Variants in NCKAP5 observed in about 807,000 individuals in gnomAD.
NCKAP5 encodes the protein nck-associated protein 5.
In NCKAP5, 92 loss-of-function variants were observed where a neutral mutation model predicts 167.0. That is an observed-to-expected ratio of 0.55 (90% CI 0.47 to 0.66). NCKAP5 has a LOEUF of 0.66. Among genes scored for constraint, NCKAP5 ranks in the 30% least tolerant of loss-of-function variants. NCKAP5 has a pLI of 0.00. For missense variants in NCKAP5, 2,378 were observed against 2,315.0 expected, an observed-to-expected ratio of 1.03 and a Z score of -0.56; for synonymous variants, 891 against 877.4, an observed-to-expected ratio of 1.02 and a Z score of -0.27.
chr2:132,807,613 C>T (rs189356934), intron 11 of NCKAP5, among the ~76,000 whole-genome samples: 118 of 152,110 alleles, frequency 7.8e-4, no homozygotes, highest in African/African-American at 2.6e-3. Context: ...ATCTTGTATC[C>T]GGAAACTTTG....
chr2:133,068,597 G>A (rs1473528571), intron 6 of NCKAP5, among the ~76,000 whole-genome samples: 3 of 152,022 alleles, frequency 2.0e-5, no homozygotes, highest in East Asian at 3.9e-4. Context: ...AGAGGGACTC[G>A]ACCTCTGGGT....
At chr2:132,729,168 C>T (rs1053777495) in intron 17 of NCKAP5, among the ~76,000 whole-genome samples, 3 of 152,262 alleles carry the variant, frequency 2.0e-5, no homozygotes, top group Admixed American at 1.3e-4. Context: ...TTCAAGACCC[C>T]GAGGCAAACT....
intron 8 of NCKAP5, among the ~76,000 whole-genome samples, chr2:132,925,041 T>A (rs1373352850): frequency 6.6e-6 from 1 of 152,068 alleles, no homozygotes. Context: ...TTAGACACAG[T>A]AGTGATTTGC....
At chr2:133,587,352 G>A in the NCKAP5 span, among the ~76,000 whole-genome samples, 30 of 152,268 alleles carry the variant, frequency 2.0e-4, no homozygotes, top group African/African-American at 6.7e-4. Flanking sequence ...CAGAGGTTGT[G>A]TCAGGTAATA....
chr2:133,547,688 T>C (rs1686864751), intron 2 of NCKAP5, among the ~76,000 whole-genome samples: 1 of 150,632 alleles, frequency 6.6e-6, no homozygotes, highest in Admixed American at 6.6e-5. Flanking sequence ...GAAGGAAAAC[T>C]AACAAACAGA....
At chr2:133,081,841 C>T (rs2080819959) in intron 6 of NCKAP5, among the ~76,000 whole-genome samples, 2 of 152,094 alleles carry the variant, frequency 1.3e-5, no homozygotes, top group Non-Finnish European at 2.9e-5. Flanking sequence ...ATCAGATTAC[C>T]CAGACATCAA....
intron 5 of NCKAP5, among the ~76,000 whole-genome samples, chr2:133,203,695 T>G (rs549873578): frequency 6.6e-6 from 1 of 152,248 alleles, no homozygotes; most frequent in African/African-American, 2.4e-5. Context: ...TAAATCTAAG[T>G]GTCGGCAGTC....
intron 11 of NCKAP5, among the ~76,000 whole-genome samples, chr2:132,852,290 G>T (rs4954000): frequency 0.093 from 14,086 of 152,134 alleles, 853 homozygotes; most frequent in East Asian, 0.22. Context: ...ATGCTACAGG[G>T]TGCATTTTGT....
chr2:133,567,846 A>G (rs894430935), intron 1 of NCKAP5, among the ~76,000 whole-genome samples: 1 of 152,194 alleles, frequency 6.6e-6, no homozygotes, highest in African/African-American at 2.4e-5. Context: ...TAGCCTTCAT[A>G]GTTGTCTGCT....
intron 3 of NCKAP5, among the ~76,000 whole-genome samples, chr2:133,423,442 C>T (rs1003344675): frequency 6.6e-6 from 1 of 152,132 alleles, no homozygotes; most frequent in Non-Finnish European, 1.5e-5. Context: ...TCAGTCAAGC[C>T]TGTTCTTTTT....
At chr2:133,102,769 A>G (rs2081559013) in intron 6 of NCKAP5, among the ~76,000 whole-genome samples, 1 of 150,240 alleles carries the variant, frequency 6.7e-6, no homozygotes. Context: ...ACACACACAC[A>G]CACACACACA....
At chr2:133,329,170 G>A (rs558982335) in intron 3 of NCKAP5, among the ~76,000 whole-genome samples, 2 of 152,250 alleles carry the variant, frequency 1.3e-5, no homozygotes, top group African/African-American at 4.8e-5. Context: ...ATACTGAGAT[G>A]GAGGCTTCGC....
intron 3 of NCKAP5, among the ~76,000 whole-genome samples, chr2:133,440,249 T>C (rs1690748853): frequency 1.3e-5 from 2 of 152,204 alleles, no homozygotes; most frequent in Non-Finnish European, 2.9e-5. Context: ...CTCTGACCCT[T>C]GACATCTGTG....
chr2:133,072,900 A>G (rs1413866549), intron 6 of NCKAP5, among the ~76,000 whole-genome samples: 1 of 152,148 alleles, frequency 6.6e-6, no homozygotes, highest in Non-Finnish European at 1.5e-5. Flanking sequence ...TTAAAAACCC[A>G]CCATGGCTCC....
intron 6 of NCKAP5, among the ~76,000 whole-genome samples, chr2:133,038,828 T>C (rs2079118481): frequency 6.6e-6 from 1 of 152,180 alleles, no homozygotes; most frequent in Admixed American, 6.5e-5. Flanking sequence ...ATCAGGTCTT[T>C]TGCCATGTAG....
chr2:133,050,342 AC>A (rs1483979749), intron 6 of NCKAP5, among the ~76,000 whole-genome samples: 4 of 152,130 alleles, frequency 2.6e-5, no homozygotes, highest in Admixed American at 6.5e-5. Flanking sequence ...GGAGAAAACA[AC>A]CCTGTTGGAA....
At chr2:133,026,835 A>ACTT (rs1344878689) in intron 6 of NCKAP5, among the ~76,000 whole-genome samples, 1 of 152,136 alleles carries the variant, frequency 6.6e-6, no homozygotes, top group Non-Finnish European at 1.5e-5. Flanking sequence ...ATTGAGATAC[A>ACTT]CTTCTCGCTT....
chr2:133,276,907 C>T (rs1361622410), intron 4 of NCKAP5, among the ~76,000 whole-genome samples: 1 of 151,880 alleles, frequency 6.6e-6, no homozygotes. Flanking sequence ...TATATGACAC[C>T]CTGTTAATAA....
At position 132,773,830 on chromosome 2, in the gene NCKAP5, T is replaced by A; in HGVS notation, c.5114A>T (p.Gln1705Leu). The A allele has an allele frequency of 6.2e-7, 1 of 1,610,924 alleles. No homozygotes were observed. The highest frequency in any genetic ancestry group is 8.5e-7 in the Non-Finnish European group (1 of 1,178,920). The change falls in exon 16 of 20, where the codon CAG becomes CTG. Residue 1705 changes from glutamine (Q) to leucine (L), a missense_variant. This residue lies in a region of NCKAP5 where 1,325 missense variants were observed against 1,274.5 expected (regional missense o/e 1.04). Transcript: ENST00000409261. ...TGAATTTTTACCTATGATGTGGCTCTGAAATACAGAATCTGCAACTGCATC... is the reference window on the plus strand; with the variant it reads ...TGAATTTTTACCTATGATGTGGCTCAGAAATACAGAATCTGCAACTGCATC... ...EDDAVADSVF[Q>L]SHIIESNCQM...
Sources: gnomAD v4.1 joint callset for allele counts (sites outside exome capture counted in the v4.1 genomes callset) on GRCh38, gnomAD v4.1.1 for gene constraint, gnomAD v4.1.1 regional missense constraint, MANE v1.5 for transcripts, NCBI Gene and HGNC (gene_info 2026-07-23, HGNC 2026-07-21) for gene names.